The following PAX7 variants were observed in gnomAD, a reference collection of about 807,000 sequenced individuals.
The protein encoded by PAX7 is paired box protein Pax-7.
Under a neutral mutation model 50.7 loss-of-function variants are expected in PAX7, and 18 were observed. That is an observed-to-expected ratio of 0.36 (90% CI 0.25 to 0.53). PAX7 has a LOEUF of 0.53. Among genes scored for constraint, PAX7 ranks in the 20% least tolerant of loss-of-function variants. PAX7 has a pLI of 0.93. For synonymous variants in PAX7, 310 were observed against 290.4 expected, an observed-to-expected ratio of 1.07 and a Z score of -0.69; for missense variants, 644 against 702.9, an observed-to-expected ratio of 0.92 and a Z score of 0.95.
At chr1:18,701,178 C>T (rs114761407) in intron 6 of PAX7, among the ~76,000 whole-genome samples, 89 of 152,266 alleles carry the variant, frequency 5.8e-4, no homozygotes, top group African/African-American at 2.0e-3. Flanking sequence ...CTTTGAGCAG[C>T]GAGGATTTGG....
In PAX7 at chr1:18,634,051, G is replaced by A. The variant is rs561587116; in HGVS notation, c.86-252G>A. Among the ~76,000 whole-genome samples, 1 of 152,274 alleles carries A rather than the reference G, an allele frequency of 6.6e-6. No homozygotes were observed. The highest frequency in any genetic ancestry group is 6.5e-5 in the Admixed American group (1 of 15,304). ...TCCCTCGTAGTGTGGCAGGAGTTGG[G>A]GGACACAGCATCTGGGGAGACTCTT... On this transcript the variant is annotated intron_variant, in intron 1 of 8. Coordinates refer to ENST00000420770, the MANE Select transcript of PAX7 (RefSeq NM_001135254.2). This position sits in a 1 kb window ranked among gnomAD's most constrained non-coding sequence, Gnocchi z 4.0.
intron 7 of PAX7, among the ~76,000 whole-genome samples, chr1:18,713,981 C>A (rs11261051): frequency 0.18 from 27,021 of 152,064 alleles, 2,595 homozygotes; most frequent in East Asian, 0.39. Context: ...GAGGCCAAGG[C>A]GGGTGGATCA....
rs1931531571 is a variant in PAX7, at chr1:18,748,346, T to C, written c.*3417T>C. 1 of 229,646 alleles carries C rather than the reference T, an allele frequency of 4.4e-6. No homozygotes were observed. Among genetic ancestry groups the C allele is most frequent in the Non-Finnish European group, 8.6e-6 (1 of 115,776 alleles). 14.2% of individuals were successfully genotyped at this position (229,646 alleles called of 1,614,324 possible). Reference sequence around the variant, plus strand: ...ATGTTCTCTGGGACCTCTCTCAGGCTGATGTTCTTCTCATCAAGCTCCCGA... The same window carrying C: ...ATGTTCTCTGGGACCTCTCTCAGGCCGATGTTCTTCTCATCAAGCTCCCGA... On this transcript the variant is annotated 3_prime_UTR_variant, in exon 9 of 9. Coordinates refer to ENST00000420770, the MANE Select transcript of PAX7 (RefSeq NM_001135254.2).
chr1:18,687,688 G>C (rs767871799), intron 4 of PAX7, among the ~76,000 whole-genome samples: 1 of 152,092 alleles, frequency 6.6e-6, no homozygotes, highest in Non-Finnish European at 1.5e-5. Context: ...GATCTCTCTG[G>C]ATCTCGGTGG....
chr1:18,717,735 C>A (rs1374907835), intron 7 of PAX7, among the ~76,000 whole-genome samples: 1 of 152,206 alleles, frequency 6.6e-6, no homozygotes, highest in Non-Finnish European at 1.5e-5. Flanking sequence ...TGCAAACATG[C>A]CCTGGGCTCT....
rs1227527968 is a variant in PAX7 at position 18,735,289 on chromosome 1, T to G, written c.1156-343T>G. ...GAGGCCTCATTAGCCAGTTCGTTCA[T>G]TCATGCATTCATTCATGCATTTATT... On this transcript the variant is annotated intron_variant, in intron 7 of 8. Transcript: ENST00000420770. The surrounding 1 kb of genome is among the most constrained non-coding windows in gnomAD (Gnocchi z 4.0). Among the ~76,000 whole-genome samples the G allele has an allele frequency of 1.3e-5, 2 of 152,194 alleles. No homozygotes were observed. Among genetic ancestry groups the G allele is most frequent in the Non-Finnish European group, 2.9e-5 (2 of 68,042 alleles).
chr1:18,701,339 CGT>C lies in PAX7; in HGVS notation c.952+525_952+526del, dbSNP rs370559749. 8.1e-4 allele frequency among the ~76,000 whole-genome samples: 123 copies of C among 151,376 alleles called. 1 individual carries two copies. Among genetic ancestry groups the C allele is most frequent in the South Asian group, 7.0e-3 (33 of 4,744 alleles). On this transcript the variant is annotated intron_variant, in intron 6 of 8. Transcript: ENST00000420770. ...GTGTGAGTGCGTGCATGAGTGTGTGCGTGTGAGTGCATGAGTGTGTGCGTATG... is the reference window on the plus strand; with the variant it reads ...GTGTGAGTGCGTGCATGAGTGTGTGCGTGAGTGCATGAGTGTGTGCGTATG...
chr1:18,721,721 G>C (rs1049160829), intron 7 of PAX7, among the ~76,000 whole-genome samples: 1 of 152,222 alleles, frequency 6.6e-6, no homozygotes, highest in Admixed American at 6.5e-5. Context: ...AACCATTTCT[G>C]CTCCGTCAGT....
At chr1:18,645,684 CTT>C (rs2088327469) in intron 4 of PAX7, among the ~76,000 whole-genome samples, 1 of 152,196 alleles carries the variant, frequency 6.6e-6, no homozygotes, top group Non-Finnish European at 1.5e-5. Flanking sequence ...GTTCTGAACA[CTT>C]TTGCAGGGAG....
chr1:18,635,731 G>A (rs1242537576), intron 3 of PAX7, among the ~76,000 whole-genome samples: 1 of 152,108 alleles, frequency 6.6e-6, no homozygotes, highest in Non-Finnish European at 1.5e-5. Flanking sequence ...TTCTGCTGTC[G>A]CCAACACCAG....
chr1:18,647,520 A>T (rs2088365426), intron 4 of PAX7, among the ~76,000 whole-genome samples: 1 of 151,962 alleles, frequency 6.6e-6, no homozygotes, highest in South Asian at 2.1e-4. Context: ...GAGGCAGGAG[A>T]TTGAAGGAGA....
intron 5 of PAX7, among the ~76,000 whole-genome samples, chr1:18,694,508 AT>A (rs1270361406): frequency 6.8e-6 from 1 of 146,658 alleles, no homozygotes; most frequent in Admixed American, 6.8e-5. Context: ...AAATAAATAA[AT>A]ATAAAATAAA....
chr1:18,690,264 G>A (rs2089047842), intron 4 of PAX7, among the ~76,000 whole-genome samples: 1 of 152,190 alleles, frequency 6.6e-6, no homozygotes, highest in Non-Finnish European at 1.5e-5. Context: ...AGAGGAAGGG[G>A]GAGAAAGAAA....
intron 8 of PAX7, among the ~76,000 whole-genome samples, chr1:18,738,363 C>T (rs1027466846): frequency 6.6e-6 from 1 of 152,124 alleles, no homozygotes; most frequent in Non-Finnish European, 1.5e-5. Flanking sequence ...GTTAGTCACA[C>T]CCAAGCTCGG....
chr1:18,651,091 C>A (rs2088423538), intron 4 of PAX7, among the ~76,000 whole-genome samples: 1 of 152,132 alleles, frequency 6.6e-6, no homozygotes, highest in Admixed American at 6.6e-5. Flanking sequence ...CATTGCTGCC[C>A]CCACCATGTC....
chr1:18,719,294 G>A (rs779159667), intron 7 of PAX7, among the ~76,000 whole-genome samples: 12 of 152,346 alleles, frequency 7.9e-5, no homozygotes, highest in East Asian at 1.9e-4. Flanking sequence ...GAGGTAACCC[G>A]TGTGGGCGAA....
chr1:18,655,770 G>GGGGTGT (rs560470014), intron 4 of PAX7, among the ~76,000 whole-genome samples: 12 of 143,562 alleles, frequency 8.4e-5, no homozygotes, highest in African/African-American at 1.3e-4. Flanking sequence ...ACTTGGAGAG[G>GGGGTGT]GTGTGTGTGT....
At chr1:18,725,312 CG>C (rs140321005) in intron 7 of PAX7, among the ~76,000 whole-genome samples, 17,986 of 42,822 alleles carry the variant, frequency 0.42, 2,448 homozygotes, top group African/African-American at 0.5. Flanking sequence ...GCCCCCCCCC[CG>C]CCCCACCAAC....
intron 8 of PAX7, among the ~76,000 whole-genome samples, chr1:18,736,442 G>A (rs1380989717): frequency 7.2e-6 from 1 of 139,360 alleles, no homozygotes; most frequent in East Asian, 2.2e-4. Flanking sequence ...TCCAGCCTGT[G>A]TGACAGAGCA....
Sources: gnomAD v4.1 joint callset for allele counts (sites outside exome capture counted in the v4.1 genomes callset) on GRCh38, gnomAD v4.1.1 for gene constraint, Gnocchi (gnomAD v3.1) non-coding constraint, MANE v1.5 for transcripts, NCBI Gene and HGNC (gene_info 2026-07-23, HGNC 2026-07-21) for gene names.